Variants in DPY19L3 observed in about 807,000 individuals in gnomAD.
DPY19L3 encodes the protein protein C-mannosyl-transferase DPY19L3.
In DPY19L3, 51 loss-of-function variants were observed where a neutral mutation model predicts 92.3. The observed-to-expected ratio is 0.55, with a 90% CI of 0.44 to 0.70. The LOEUF (loss-of-function observed/expected upper bound fraction) is 0.70. DPY19L3 is among the 30% of genes least tolerant of loss of function. The pLI is 0.00. For synonymous variants in DPY19L3, 309 were observed against 315.2 expected, an observed-to-expected ratio of 0.98 and a Z score of 0.21; for missense variants, 706 against 855.9, an observed-to-expected ratio of 0.82 and a Z score of 2.18.
intron 6 of DPY19L3, among the ~76,000 whole-genome samples, chr19:32,437,629 C>A (rs74885644): frequency 1.3e-5 from 2 of 151,688 alleles, no homozygotes; most frequent in African/African-American, 4.8e-5. Context: ...TTTCTCCAGC[C>A]GCATATCTCA....
At chr19:32,422,652 A>G (rs1968613658) in intron 3 of DPY19L3, among the ~76,000 whole-genome samples, 1 of 151,840 alleles carries the variant, frequency 6.6e-6, no homozygotes, top group Admixed American at 6.6e-5. Context: ...ACACACACAC[A>G]CACACACACG....
intron 18 of DPY19L3, chr19:32,480,874 A>G: frequency 2.2e-6 from 1 of 464,124 alleles, no homozygotes; most frequent in Non-Finnish European, 3.8e-6. Flanking sequence ...GCTGCTATAA[A>G]CAAAACCTCA....
At chr19:32,445,995 C>G (rs150995678) in intron 8 of DPY19L3, among the ~76,000 whole-genome samples, 1 of 150,424 alleles carries the variant, frequency 6.6e-6, no homozygotes, top group Non-Finnish European at 1.5e-5. Flanking sequence ...AGTGAAACTT[C>G]GTCTCAAAAA....
chr19:32,461,327 G>GT (rs1472777750), intron 12 of DPY19L3, among the ~76,000 whole-genome samples: 1 of 152,240 alleles, frequency 6.6e-6, no homozygotes, highest in African/African-American at 2.4e-5. Context: ...CTGCATTAGT[G>GT]TGAGGGGTAC....
chr19:32,417,671 C>T (rs943621011), intron 3 of DPY19L3, among the ~76,000 whole-genome samples: 1 of 152,162 alleles, frequency 6.6e-6, no homozygotes, highest in African/African-American at 2.4e-5. Flanking sequence ...GTCTGCCTGC[C>T]GCCATGTAAG....
At chr19:32,416,417 G>A (rs888122016) in intron 3 of DPY19L3, among the ~76,000 whole-genome samples, 4 of 152,280 alleles carry the variant, frequency 2.6e-5, no homozygotes, top group Admixed American at 2.6e-4. Context: ...CAGGATGAGG[G>A]CACAGCTCTC....
At chr19:32,480,830 G>A (rs1970651731) in intron 18 of DPY19L3, 2 of 515,294 alleles carry the variant, frequency 3.9e-6, no homozygotes, top group East Asian at 6.3e-5. Context: ...TTGTATGATG[G>A]GGCTCTGCAT....
chr19:32,465,541 G>A (rs1002242932), intron 15 of DPY19L3, among the ~76,000 whole-genome samples: 2 of 151,890 alleles, frequency 1.3e-5, no homozygotes, highest in African/African-American at 4.8e-5. Flanking sequence ...AAGTTAAAAC[G>A]ACGGATTTCA....
At chr19:32,438,987 G>A (rs1013429851) in intron 6 of DPY19L3, 125 bp from the exon 7 acceptor site, 14 of 972,638 alleles carry the variant, frequency 1.4e-5, no homozygotes, top group Non-Finnish European at 2.1e-5. Context: ...GACAATTATT[G>A]AGAACCAGTG....
In DPY19L3 at chr19:32,439,240, G is replaced by A; in HGVS notation, c.720+5G>A. On this transcript the variant is annotated splice_donor_5th_base_variant and intron_variant, in intron 7 of 18. Coordinates refer to ENST00000392250, the MANE Select transcript of DPY19L3 (RefSeq NM_001172774.2). ...AACTTACAGCCTCTTTCTGAAGTAA[G>A]TGTTTATAAAATTTCATATATTTTA... is the stretch of plus-strand genomic sequence containing the variant. 1 of 1,606,342 alleles carries A rather than the reference G, an allele frequency of 6.2e-7. No homozygotes were observed. The highest frequency in any genetic ancestry group is 8.5e-7 in the Non-Finnish European group (1 of 1,177,376).
rs143345064 is a variant in DPY19L3 at position 32,451,537 on chromosome 19, T to G, written c.856-1608T>G. ...TCAATGCTTCTATCAATAGGTTTGTTTCCCTTGAGGTTAAGAGAACAAAAC... is the reference window on the plus strand; with the variant it reads ...TCAATGCTTCTATCAATAGGTTTGTGTCCCTTGAGGTTAAGAGAACAAAAC... On this transcript the variant is annotated intron_variant, in intron 8 of 18. Transcript: ENST00000392250. 1.4e-3 allele frequency among the ~76,000 whole-genome samples: 212 copies of G among 152,322 alleles called. 1 individual carries two copies. The highest frequency in any genetic ancestry group is 4.7e-3 in the African/African-American group (197 of 41,580).
chr19:32,462,737 C>A (rs1453311050), intron 12 of DPY19L3, among the ~76,000 whole-genome samples: 1 of 152,126 alleles, frequency 6.6e-6, no homozygotes, highest in Non-Finnish European at 1.5e-5. Flanking sequence ...ATGCAACATG[C>A]AGTTCTTAGA....
intron 16 of DPY19L3, among the ~76,000 whole-genome samples, chr19:32,470,544 C>G (rs1309649535): frequency 6.6e-6 from 1 of 152,148 alleles, no homozygotes; most frequent in Non-Finnish European, 1.5e-5. Context: ...TTATCTTCGG[C>G]AGTCTCAGAC....
Position 32,464,002 on chromosome 19 carries a change from A to G in DPY19L3, c.1557+22A>G, listed in dbSNP as rs1970125406. 7 of 1,524,936 alleles carry G rather than the reference A, an allele frequency of 4.6e-6. No homozygotes were observed. In the Admixed American group the frequency reaches 6.9e-5, roughly 15 times the overall value. 94.5% of individuals were successfully genotyped at this position (1,524,936 alleles called of 1,614,324 possible). A position where few individuals can be genotyped will look rare whatever the true frequency, so the allele number is the denominator to read the frequency against. On this transcript the variant is annotated intron_variant, in intron 14 of 18. Coordinates refer to ENST00000392250, the MANE Select transcript of DPY19L3 (RefSeq NM_001172774.2). ...GAGGGTCAGTGTCATCCCTTTTTCCATCTCCTTTTATGACTTGCAGTATTT... is the reference window on the plus strand; with the variant it reads ...GAGGGTCAGTGTCATCCCTTTTTCCGTCTCCTTTTATGACTTGCAGTATTT...
intron 6 of DPY19L3, among the ~76,000 whole-genome samples, chr19:32,437,841 T>C (rs1969194832): frequency 6.6e-6 from 1 of 152,014 alleles, no homozygotes; most frequent in Non-Finnish European, 1.5e-5. Context: ...ATTTAGGGGT[T>C]GTTTTTGTTT....
chr19:32,450,699 A>G (rs1969671470), intron 8 of DPY19L3, among the ~76,000 whole-genome samples: 1 of 152,160 alleles, frequency 6.6e-6, no homozygotes, highest in African/African-American at 2.4e-5. Flanking sequence ...TGGTTGCCGG[A>G]GCTGGGGGTA....
At chr19:32,431,041 A>G (rs1321000593) in intron 3 of DPY19L3, among the ~76,000 whole-genome samples, 1 of 152,184 alleles carries the variant, frequency 6.6e-6, no homozygotes, top group African/African-American at 2.4e-5. Context: ...TTCAGTATTT[A>G]TCACTTTCCC....
At chr19:32,423,798 T>G (rs1269643423) in intron 3 of DPY19L3, among the ~76,000 whole-genome samples, 4 of 152,116 alleles carry the variant, frequency 2.6e-5, no homozygotes, top group African/African-American at 9.7e-5. Context: ...CAGGATCGCT[T>G]GAGCTCAGTA....
At chr19:32,407,583 A>G (rs1012480884) in intron 1 of DPY19L3, among the ~76,000 whole-genome samples, 2 of 152,186 alleles carry the variant, frequency 1.3e-5, no homozygotes, top group East Asian at 1.9e-4. Flanking sequence ...GGTAACTGCT[A>G]TGGCTCAGGG....
Sources: gnomAD v4.1 joint callset for allele counts (sites outside exome capture counted in the v4.1 genomes callset) on GRCh38, gnomAD v4.1.1 for gene constraint, MANE v1.5 for transcripts, NCBI Gene and HGNC (gene_info 2026-07-23, HGNC 2026-07-21) for gene names.